EIF2AK1: variants seen among roughly 807,000 people sequenced by gnomAD.
EIF2AK1 encodes the protein eukaryotic translation initiation factor 2 alpha kinase 1.
Under a neutral mutation model 77.9 loss-of-function variants are expected in EIF2AK1, and 54 were observed. That is an observed-to-expected ratio of 0.69 (90% confidence interval 0.56 to 0.87). The LOEUF (loss-of-function observed/expected upper bound fraction) is 0.87. EIF2AK1 is among the 40% of genes least tolerant of loss of function. The pLI is 0.00. For missense variants in EIF2AK1, 810 were observed against 768.6 expected (o/e 1.05, Z -0.64); for synonymous variants, 314 against 290.5 (o/e 1.08, Z -0.82).
At chr7:6,044,246 C>T (rs879651524) in intron 7 of EIF2AK1, among the ~76,000 whole-genome samples, 32 of 151,876 alleles carry the variant, frequency 2.1e-4, no homozygotes, top group Non-Finnish European at 3.5e-4. Context: ...GGGCGAATCA[C>T]GAGGTCAGGA....
chr7:6,049,791 C>T, intron 3 of EIF2AK1, 121 bp downstream of exon 3: 1 of 990,310 alleles, frequency 1.0e-6, no homozygotes, highest in Non-Finnish European at 1.5e-6. Context: ...CATGCCTGGC[C>T]TAGAGTTTAT....
In EIF2AK1 at chr7:6,033,718, T is replaced by C. The variant is rs754678748; in HGVS notation, c.1332+3706A>G. Reference sequence around the variant, plus strand: ...CCAAGTAGCTGGGACTACAGGCGCCTGCCACCACGCCTGGCTAATTTTTTG... The same window carrying C: ...CCAAGTAGCTGGGACTACAGGCGCCCGCCACCACGCCTGGCTAATTTTTTG... On this transcript the variant is annotated intron_variant, in intron 11 of 14. Transcript: ENST00000199389. This position sits in a 1 kb window ranked among gnomAD's most constrained non-coding sequence, Gnocchi z 4.4. Among the ~76,000 whole-genome samples the C allele has an allele frequency of 2.0e-5, 3 of 151,944 alleles. No homozygotes were observed. The highest frequency in any genetic ancestry group is 6.6e-5 in the Admixed American group (1 of 15,244).
In EIF2AK1 at chr7:6,041,044, G is replaced by A; in HGVS notation, c.967C>T (p.Leu323=). Residue 323 remains leucine, a synonymous_variant, in exon 9 of 15, where the codon CTG becomes TTG. Coordinates refer to ENST00000199389, the MANE Select transcript of EIF2AK1 (RefSeq NM_014413.4). ...IRESGELEST[L]ELQENGLAGL... is the part of the protein sequence containing the mutation. ...GCCAAGCCATTTTCCTGGAGCTCCA[G>A]GGTCGACTCAAGTTCACCAGATTCT... The A allele has an allele frequency of 6.2e-7, 1 of 1,614,126 alleles. No homozygotes were observed. The highest frequency in any genetic ancestry group is 1.1e-5 in the South Asian group (1 of 91,082).
chr7:6,051,478 G>A (rs1382307791), intron 2 of EIF2AK1, among the ~76,000 whole-genome samples: 1 of 151,872 alleles, frequency 6.6e-6, no homozygotes, highest in Non-Finnish European at 1.5e-5. Flanking sequence ...TGCCCAAATT[G>A]GAGGGCAGTG....
chr7:6,036,148 C>T lies in EIF2AK1; in HGVS notation c.1332+1276G>A. 6.5e-7 allele frequency: 1 copy of T among 1,550,318 alleles called. No homozygotes were observed. Among genetic ancestry groups the T allele is most frequent in the South Asian group, 1.2e-5 (1 of 84,054 alleles). On this transcript the variant is annotated intron_variant, in intron 11 of 14. Coordinates refer to ENST00000199389, the MANE Select transcript of EIF2AK1 (RefSeq NM_014413.4). This position sits in a 1 kb window ranked among gnomAD's most constrained non-coding sequence, Gnocchi z 4.6. ...GCCAGGCTACTTTATCACACTTATC[C>T]TCTGAGAATGACCAATAACCAAGGA...
In EIF2AK1 at chr7:6,041,021, C is replaced by G. The variant is rs1366083702; in HGVS notation, c.990G>C (p.Leu330Phe). Residue 330 changes from leucine to phenylalanine, a missense_variant, in exon 9 of 15, where the codon TTG becomes TTC. By Grantham distance (22) the Leu-to-Phe change is conservative. Around this residue, in one of 3 missense-constraint regions of EIF2AK1, gnomAD observed 549 missense variants for 533.7 expected, o/e 1.03. Transcript: ENST00000199389. ...ESTLELQENGLAGLSASSIVE... is the reference protein window; with the variant it reads ...ESTLELQENGFAGLSASSIVE... Reference sequence around the variant, plus strand: ...CAATTGAACTGGCAGACAAACCAGCCAAGCCATTTTCCTGGAGCTCCAGGG... The same window carrying G: ...CAATTGAACTGGCAGACAAACCAGCGAAGCCATTTTCCTGGAGCTCCAGGG... 1.2e-6 allele frequency: 2 copies of G among 1,613,978 alleles called. No homozygotes were observed. The highest frequency in any genetic ancestry group is 2.2e-5 in the East Asian group (1 of 44,892).
At chr7:6,041,755 C>G (rs973791393) in intron 8 of EIF2AK1, among the ~76,000 whole-genome samples, 4 of 150,998 alleles carry the variant, frequency 2.6e-5, no homozygotes, top group African/African-American at 9.8e-5. Context: ...GCAGGAGAAT[C>G]GCTTGAACCC....
rs561345030 is a variant in EIF2AK1, at chr7:6,026,580, G to C, written c.1764+148C>G. ...ACCCTGCAGCTGAGTGCCAGGAAGT[G>C]GACGAGAACAAACAGGCCCCGCCTC... On this transcript the variant is annotated intron_variant, in intron 14 of 14. Transcript: ENST00000199389. 5.5e-6 allele frequency: 4 copies of C among 733,312 alleles called. No homozygotes were observed. The East Asian group carries it at 1.1e-4, about 20-fold the overall frequency. 45.4% of individuals were successfully genotyped at this position (733,312 alleles called of 1,614,324 possible).
chr7:6,054,493 G>C lies in EIF2AK1; in HGVS notation c.277+53C>G, dbSNP rs558406291. 5.6e-5 allele frequency: 89 copies of C among 1,595,730 alleles called. 1 individual carries two copies. In the South Asian group the frequency reaches 8.9e-4, roughly 16 times the overall value. On this transcript the variant is annotated intron_variant, in intron 2 of 14. Transcript: ENST00000199389. Reference sequence around the variant, plus strand: ...TGCTGGGATTACAGGCATGAACCACGGAGCCCAGCCTTTACAAGCTTTATT... The same window carrying C: ...TGCTGGGATTACAGGCATGAACCACCGAGCCCAGCCTTTACAAGCTTTATT...
Position 6,041,049 on chromosome 7 carries a change from G to A in EIF2AK1, c.962C>T (p.Ser321Leu). The A allele has an allele frequency of 1.2e-6, 2 of 1,614,114 alleles. No homozygotes were observed. The highest frequency in any genetic ancestry group is 1.3e-5 in the African/African-American group (1 of 75,002). ...LVIRESGELE[S>L]TLELQENGLA... ...GCCATTTTCCTGGAGCTCCAGGGTC[G>A]ACTCAAGTTCACCAGATTCTCTTAT... is the stretch of plus-strand genomic sequence containing the variant. The change falls in exon 9 of 15, where the codon TCG (serine) becomes TTG (leucine). Residue 321 changes from serine to leucine, a missense_variant. Ser to Leu is a moderately radical substitution (Grantham distance 145, BLOSUM62 -2). Transcript: ENST00000199389.
At position 6,035,761 on chromosome 7, in the gene EIF2AK1, T is replaced by C. The variant is rs765523133; in HGVS notation, c.1332+1663A>G. The C allele has an allele frequency of 2.8e-5, 43 of 1,550,990 alleles. No individual in the cohort carries two copies. The highest frequency in any genetic ancestry group is 3.2e-5 in the Non-Finnish European group (37 of 1,147,126). On this transcript the variant is annotated intron_variant, in intron 11 of 14. Transcript: ENST00000199389. The surrounding 1 kb of genome is among the most constrained non-coding windows in gnomAD (Gnocchi z 5.5). ...ACACCCCTTCACATGGCCGCAAACA[T>C]GCTGAATAAGGAGATGATGGAAACG...
At position 6,023,206 on chromosome 7, in the gene EIF2AK1, A is replaced by C. The variant is rs1787561700; in HGVS notation, c.*1467T>G. 7.4e-7 allele frequency: 1 copy of C among 1,355,684 alleles called. No individual in the cohort carries two copies. 84.0% of individuals were successfully genotyped at this position (1,355,684 alleles called of 1,614,324 possible). ...TGAAAACACCCTTTCCCATGTCATCAGTCTGTGGTGTTTGGTGACTGTCCC... is the reference window on the plus strand; with the variant it reads ...TGAAAACACCCTTTCCCATGTCATCCGTCTGTGGTGTTTGGTGACTGTCCC... On this transcript the variant is annotated 3_prime_UTR_variant, in exon 15 of 15. Transcript: ENST00000199389.
Position 6,031,694 on chromosome 7 carries a change from G to A in EIF2AK1, c.1333-2662C>T. 4.4e-6 allele frequency: 5 copies of A among 1,125,334 alleles called. No individual in the cohort carries two copies. The South Asian group carries it at 5.8e-5, about 13-fold the overall frequency. 69.7% of individuals were successfully genotyped at this position (1,125,334 alleles called of 1,614,324 possible). A position where few individuals can be genotyped will look rare whatever the true frequency, so the allele number is the denominator to read the frequency against. ...CCCACTAAGCTCACGGCCCTTATGA[G>A]AATGAGACACGACTCCAGCTCACTC... On this transcript the variant is annotated intron_variant, in intron 11 of 14. Transcript: ENST00000199389.
At chr7:6,049,326 G>A (rs147030091) in intron 3 of EIF2AK1, among the ~76,000 whole-genome samples, 3,833 of 152,190 alleles carry the variant, frequency 0.025, 74 homozygotes, top group Non-Finnish European at 0.036. Flanking sequence ...GGCACATCAC[G>A]AGGTCAGGAG....
At chr7:6,045,428 G>T (rs1311346534) in intron 6 of EIF2AK1, among the ~76,000 whole-genome samples, 1 of 152,014 alleles carries the variant, frequency 6.6e-6, no homozygotes, top group African/African-American at 2.4e-5. Flanking sequence ...ATATTTTTAA[G>T]AAACAAATGG....
intron 8 of EIF2AK1, among the ~76,000 whole-genome samples, chr7:6,042,062 T>C (rs1788314681): frequency 6.6e-6 from 1 of 151,898 alleles, no homozygotes; most frequent in Non-Finnish European, 1.5e-5. Context: ...GGTGGGAGGA[T>C]TGCCTGAGTC....
intron 5 of EIF2AK1, 187 bp downstream of exon 5, chr7:6,046,805 G>C (rs751946685): frequency 1.2e-4 from 59 of 488,780 alleles, no homozygotes; most frequent in Non-Finnish European, 2.0e-4. Context: ...GGGAGGCTGA[G>C]GCAGAAGAAT....
chr7:6,054,302 T>A (rs1031163228), intron 2 of EIF2AK1, among the ~76,000 whole-genome samples: 3 of 152,074 alleles, frequency 2.0e-5, no homozygotes, highest in Non-Finnish European at 4.4e-5. Context: ...CCTCCCCAGT[T>A]CAACTGATTC....
intron 1 of EIF2AK1, among the ~76,000 whole-genome samples, chr7:6,056,055 G>C (rs1450658777): frequency 1.3e-5 from 2 of 148,598 alleles, no homozygotes; most frequent in Non-Finnish European, 3.0e-5. Flanking sequence ...CACTTAGAGA[G>C]GCCGAGGCAA....
Sources: gnomAD v4.1 joint callset for allele counts (sites outside exome capture counted in the v4.1 genomes callset) on GRCh38, gnomAD v4.1.1 for gene constraint, gnomAD v4.1.1 regional missense constraint, Gnocchi (gnomAD v3.1) non-coding constraint, MANE v1.5 for transcripts, NCBI Gene and HGNC (gene_info 2026-07-23, HGNC 2026-07-21) for gene names.